MTHFD1: variants seen among roughly 807,000 people sequenced by gnomAD.
The protein encoded by MTHFD1 is methylenetetrahydrofolate dehydrogenase, cyclohydrolase and formyltetrahydrofolate synthetase 1, also known as C-1-tetrahydrofolate synthase, cytoplasmic.
Under a neutral mutation model 110.3 loss-of-function variants are expected in MTHFD1, and 44 were observed. The ratio of observed to expected loss-of-function variants is 0.40; its 90% CI spans 0.31 to 0.51. The LOEUF (loss-of-function observed/expected upper bound fraction) is 0.51. Among genes scored for constraint, MTHFD1 ranks in the 20% least tolerant of loss-of-function variants. MTHFD1 has a pLI of 0.60. For missense variants in MTHFD1, 909 were observed against 1,173.1 expected (o/e 0.77, Z 3.29); for synonymous variants, 402 against 428.8 (o/e 0.94, Z 0.77).
At chr14:64,393,036 T>G (rs1210880049) in intron 1 of MTHFD1, among the ~76,000 whole-genome samples, 2 of 152,244 alleles carry the variant, frequency 1.3e-5, no homozygotes, top group Non-Finnish European at 2.9e-5. Flanking sequence ...TCTTGGTTAC[T>G]AAGTTAACAT....
rs543660716 is a variant in MTHFD1 at position 64,423,437 on chromosome 14, G to A, written c.728-1367G>A. Among the ~76,000 whole-genome samples, 10 of 152,018 alleles carry A rather than the reference G, an allele frequency of 6.6e-5. No homozygotes were observed. The South Asian group carries it at 1.0e-3, about 16-fold the overall frequency. On this transcript the variant is annotated intron_variant, in intron 8 of 27. Transcript: ENST00000652337. ...ACTTTTTTTTTTGAGACGGAGTTTC[G>A]CTCTTGTTGCCCAGGCTGGAGTGGA...
intron 2 of MTHFD1, among the ~76,000 whole-genome samples, chr14:64,410,536 G>T (rs139714459): frequency 6.1e-4 from 93 of 152,274 alleles, no homozygotes; most frequent in African/African-American, 1.9e-3. Context: ...TCCTCTCTGT[G>T]TTGGGGCCAG....
At chr14:64,433,674 C>G in intron 15 of MTHFD1, among the ~76,000 whole-genome samples, 1 of 150,966 alleles carries the variant, frequency 6.6e-6, no homozygotes, top group Non-Finnish European at 1.5e-5. Flanking sequence ...CTTGGCATAC[C>G]AAAGTGCTGG....
intron 19 of MTHFD1, chr14:64,441,749 G>A: frequency 1.8e-6 from 1 of 547,190 alleles, no homozygotes; most frequent in Non-Finnish European, 3.3e-6. Flanking sequence ...CTTGCAGTGA[G>A]CCGAGATCAC....
In MTHFD1 at chr14:64,417,996, A is replaced by G. The variant is rs1419696780; in HGVS notation, c.587A>G (p.His196Arg). ...AACAATGCCACAGTGACCACCTGCC[A>G]CTCCAAGACTGCCCATCTGGATGAG... ...LWNNATVTTC[H>R]SKTAHLDEEV... The change falls in exon 7 of 28, where the codon CAC becomes CGC. Residue 196 changes from histidine (H) to arginine (R), a missense_variant. By Grantham distance (29) the His-to-Arg change is conservative (BLOSUM62 0). Coordinates refer to ENST00000652337, the MANE Select transcript of MTHFD1 (RefSeq NM_005956.4). The surrounding 1 kb of genome is among the most constrained non-coding windows in gnomAD (Gnocchi z 4.4). 1 of 1,613,662 alleles carries G rather than the reference A, an allele frequency of 6.2e-7. No individual in the cohort carries two copies. Among genetic ancestry groups the G allele is most frequent in the East Asian group, 2.2e-5 (1 of 44,880 alleles).
intron 26 of MTHFD1, chr14:64,455,108 A>C: frequency 1.9e-6 from 1 of 523,714 alleles, no homozygotes; most frequent in South Asian, 2.0e-5. Context: ...ACTCATACTG[A>C]ATAAAAAATT....
In MTHFD1 at chr14:64,403,962, G is replaced by A. The variant is rs11848935; in HGVS notation, c.126+3085G>A. On this transcript the variant is annotated intron_variant, in intron 2 of 27. Transcript: ENST00000652337. ...GTAGTGAAGGATACCTTGACTACTA[G>A]TCCAAAGCCATTGTCTTGATTTGTG... is the stretch of plus-strand genomic sequence containing the variant. 1.0e-3 allele frequency among the ~76,000 whole-genome samples: 153 copies of A among 152,346 alleles called. 1 individual carries two copies. Among genetic ancestry groups the A allele is most frequent in the African/African-American group, 3.6e-3 (148 of 41,580 alleles).
At chr14:64,424,396 C>G (rs2078103334) in intron 8 of MTHFD1, among the ~76,000 whole-genome samples, 1 of 152,186 alleles carries the variant, frequency 6.6e-6, no homozygotes, top group South Asian at 2.1e-4. Flanking sequence ...CTGACAGTTG[C>G]TGTAGAAACG....
chr14:64,403,907 A>G (rs1742545777), intron 2 of MTHFD1, among the ~76,000 whole-genome samples: 1 of 152,158 alleles, frequency 6.6e-6, no homozygotes, highest in South Asian at 2.1e-4. Context: ...TCCTAGTGAA[A>G]CTGGCATTTA....
chr14:64,410,902 G>A (rs1277409989), intron 2 of MTHFD1, among the ~76,000 whole-genome samples, 188 bp from the exon 3 acceptor site: 1 of 152,054 alleles, frequency 6.6e-6, no homozygotes, highest in Non-Finnish European at 1.5e-5. Context: ...TTAGGGGAGG[G>A]GCTGTAACAC....
chr14:64,435,230 C>A (rs1391051459), intron 15 of MTHFD1, among the ~76,000 whole-genome samples: 3 of 152,020 alleles, frequency 2.0e-5, no homozygotes, highest in Non-Finnish European at 4.4e-5. Flanking sequence ...GGATTACAGG[C>A]TCAGCCACAG....
At chr14:64,457,605 G>A (rs1241091649) in intron 26 of MTHFD1, among the ~76,000 whole-genome samples, 6 of 151,936 alleles carry the variant, frequency 3.9e-5, no homozygotes, top group Non-Finnish European at 7.4e-5. Flanking sequence ...ACAGGCACAC[G>A]CCACCATGCC....
intron 23 of MTHFD1, 144 bp from the exon 24 acceptor site, chr14:64,449,301 A>G: frequency 1.1e-6 from 1 of 888,172 alleles, no homozygotes; most frequent in Non-Finnish European, 1.8e-6. Context: ...TAAGTTTCGG[A>G]GCTGAGATTC....
At position 64,419,800 on chromosome 14, in the gene MTHFD1, T is replaced by C; in HGVS notation, c.616-14T>C. The C allele has an allele frequency of 1.3e-6, 2 of 1,571,876 alleles. No homozygotes were observed. The highest frequency in any genetic ancestry group is 8.8e-7 in the Non-Finnish European group (1 of 1,141,548). On this transcript the variant is annotated splice_polypyrimidine_tract_variant and intron_variant, in intron 7 of 27. Transcript: ENST00000652337. ...CATTATTTCATTTCTGATGTCCAAATCCCCTACCCCTAGGTAAATAAAGGT... is the reference window on the plus strand; with the variant it reads ...CATTATTTCATTTCTGATGTCCAAACCCCCTACCCCTAGGTAAATAAAGGT...
At chr14:64,391,417 C>T (rs569567543) in intron 1 of MTHFD1, among the ~76,000 whole-genome samples, 39 of 152,296 alleles carry the variant, frequency 2.6e-4, no homozygotes, top group Admixed American at 5.2e-4. Flanking sequence ...TGTCCACCTC[C>T]ACCTCCTAAA....
rs762593056 is a variant in MTHFD1 at position 64,440,136 on chromosome 14, A to G, written c.1685A>G (p.Asp562Gly). ...EKGHTRTAQF[D>G]ISVASEIMAV... ...TTTCCCTGCCCACAGGCCCAGTTTG[A>G]TATCTCTGTGGCCAGTGAAATTATG... Residue 562 changes from aspartate (D) to glycine (G), a missense_variant, in exon 18 of 28, where the codon GAT (aspartate) becomes GGT (glycine). Asp to Gly is a moderately conservative substitution (Grantham distance 94). This residue lies in a region of MTHFD1 where 482 missense variants were observed against 646.0 expected (regional missense o/e 0.75). Transcript: ENST00000652337. 2 of 1,613,430 alleles carry G rather than the reference A, an allele frequency of 1.2e-6. No individual in the cohort carries two copies. The highest frequency in any genetic ancestry group is 1.1e-5 in the South Asian group (1 of 91,050).
intron 16 of MTHFD1, among the ~76,000 whole-genome samples, chr14:64,435,973 G>A (rs537549830): frequency 4.1e-4 from 63 of 152,300 alleles, no homozygotes; most frequent in South Asian, 3.7e-3. Flanking sequence ...TATGCAAAAA[G>A]TTTTAGTGTC....
At chr14:64,441,243 A>T (rs2078244502) in intron 18 of MTHFD1, 142 bp from the exon 19 acceptor site, 1 of 801,218 alleles carries the variant, frequency 1.2e-6, no homozygotes, top group Non-Finnish European at 2.2e-6. Flanking sequence ...CCAGAAAAAA[A>T]CCATGAATGG....
chr14:64,451,257 A>G (rs940136220), intron 24 of MTHFD1, among the ~76,000 whole-genome samples: 2 of 152,064 alleles, frequency 1.3e-5, no homozygotes, highest in Admixed American at 6.6e-5. Context: ...CCTGGGTTCA[A>G]GTGATCCTCC....
Sources: allele counts gnomAD v4.1 joint callset (sites outside exome capture counted in the v4.1 genomes callset), GRCh38; gene constraint gnomAD v4.1.1; regional missense constraint gnomAD v4.1.1; non-coding constraint Gnocchi (gnomAD v3.1); transcripts MANE v1.5; gene names NCBI Gene and HGNC (gene_info 2026-07-23, HGNC 2026-07-21).